The following FHIT variants were observed in gnomAD, a reference collection of about 807,000 sequenced individuals.
FHIT encodes bis(5'-adenosyl)-triphosphatase.
A neutral mutation model predicts 17.9 loss-of-function variants in FHIT; 19 were observed. That is an observed-to-expected ratio of 1.06 (90% CI 0.74 to 1.56). FHIT has a LOEUF of 1.56. FHIT is among the 40% of genes most tolerant of loss of function. The pLI, the probability that FHIT is intolerant of heterozygous loss-of-function variation, is 0.00. For missense variants in FHIT, 248 were observed against 189.2 expected (o/e 1.31, Z -1.82); for synonymous variants, 81 against 69.7 (o/e 1.16, Z -0.81).
At chr3:60,912,432 A>AG (rs1706793438) in intron 3 of FHIT, among the ~76,000 whole-genome samples, 1 of 152,144 alleles carries the variant, frequency 6.6e-6, no homozygotes, top group Non-Finnish European at 1.5e-5. Context: ...GGGTTATTAT[A>AG]GGGATTAAGT....
At chr3:60,266,777 T>C (rs988014170) in intron 5 of FHIT, among the ~76,000 whole-genome samples, 1 of 152,022 alleles carries the variant, frequency 6.6e-6, no homozygotes, top group Non-Finnish European at 1.5e-5. Flanking sequence ...GAGATGTCTC[T>C]AGGAAGATGA....
At chr3:60,092,913 C>G (rs763368462) in intron 5 of FHIT, among the ~76,000 whole-genome samples, 2 of 152,146 alleles carry the variant, frequency 1.3e-5, no homozygotes, top group Admixed American at 1.3e-4. Flanking sequence ...AAACATATTT[C>G]AAGCTGGAAC....
chr3:60,863,984 G>T (rs1388456550), intron 3 of FHIT, among the ~76,000 whole-genome samples: 1 of 152,114 alleles, frequency 6.6e-6, no homozygotes, highest in East Asian at 1.9e-4. Context: ...GAAGTTTAAT[G>T]GACTCACAGT....
At chr3:60,536,763 G>A (rs573733403) in intron 5 of FHIT, 97 bp downstream of exon 5, 1 of 1,294,906 alleles carries the variant, frequency 7.7e-7, no homozygotes, top group Non-Finnish European at 1.0e-6. Flanking sequence ...TTACCTTTTT[G>A]GACAGACTGG....
Position 60,318,583 on chromosome 3 carries a change from T to C in FHIT, c.103+218277A>G, listed in dbSNP as rs9864038. ...CAACAAGTAAACCTCATCAGAGGGG[T>C]CAAGACCACAATGACTGACATCCTG... On this transcript the variant is annotated intron_variant, in intron 5 of 9. Coordinates refer to ENST00000492590, the MANE Select transcript of FHIT (RefSeq NM_002012.4). Among the ~76,000 whole-genome samples, 1,446 of 152,086 alleles carry C rather than the reference T, an allele frequency of 9.5e-3. 27 individuals carry two copies. The highest frequency in any genetic ancestry group is 0.033 in the African/African-American group (1,377 of 41,484).
rs2037462264 is a variant in FHIT, at chr3:61,153,858, G to A, written c.-164+46759C>T. Reference sequence around the variant, plus strand: ...AAGAGGGGCCCAGCCTTAAATTATTGTTAGCAAGTCTTGATATTATTTTGT... The same window carrying A: ...AAGAGGGGCCCAGCCTTAAATTATTATTAGCAAGTCTTGATATTATTTTGT... On this transcript the variant is annotated intron_variant, in intron 2 of 9. Transcript: ENST00000492590. 1.3e-5 allele frequency among the ~76,000 whole-genome samples: 2 copies of A among 152,104 alleles called. 1 individual carries two copies. The highest frequency in any genetic ancestry group is 1.3e-4 in the Admixed American group (2 of 15,272).
At chr3:61,014,165 T>A (rs900317421) in intron 3 of FHIT, among the ~76,000 whole-genome samples, 2 of 152,112 alleles carry the variant, frequency 1.3e-5, no homozygotes, top group African/African-American at 2.4e-5. Flanking sequence ...ATTTGTGTTC[T>A]CTCCTTGGAA....
chr3:60,010,671 T>C (rs538793753), intron 7 of FHIT, among the ~76,000 whole-genome samples: 1 of 152,300 alleles, frequency 6.6e-6, no homozygotes, highest in East Asian at 1.9e-4. Context: ...GAATTAGCAT[T>C]TGTATGAAAA....
At chr3:61,134,131 A>ACACACACAC (rs1396881564) in intron 2 of FHIT, among the ~76,000 whole-genome samples, 4 of 151,272 alleles carry the variant, frequency 2.6e-5, no homozygotes, top group Admixed American at 1.3e-4. Flanking sequence ...ACACACACAC[A>ACACACACAC]AAGAGGTCAA....
intron 8 of FHIT, among the ~76,000 whole-genome samples, chr3:59,798,355 C>A (rs1026509823): frequency 1.3e-5 from 2 of 152,196 alleles, no homozygotes; most frequent in African/African-American, 2.4e-5. Flanking sequence ...TAAATTCTCA[C>A]TAGAAGAGCA....
chr3:60,828,763 A>G (rs1024642371), intron 3 of FHIT, among the ~76,000 whole-genome samples: 1 of 152,178 alleles, frequency 6.6e-6, no homozygotes, highest in African/African-American at 2.4e-5. Context: ...CTGTAATCCC[A>G]GCCACTTGGG....
In FHIT at chr3:60,893,253, C is replaced by T. The variant is rs948875870; in HGVS notation, c.-110-71242G>A. Among the ~76,000 whole-genome samples the T allele has an allele frequency of 2.6e-5, 4 of 152,256 alleles. No individual in the cohort carries two copies. The South Asian group carries it at 8.3e-4, about 32-fold the overall frequency. On this transcript the variant is annotated intron_variant, in intron 3 of 9. Coordinates refer to ENST00000492590, the MANE Select transcript of FHIT (RefSeq NM_002012.4). ...TAGTTTACTACACTTAGTTCATATGCTTTTCCACAAGTTTCCACTCTTCAT... is the reference window on the plus strand; with the variant it reads ...TAGTTTACTACACTTAGTTCATATGTTTTTCCACAAGTTTCCACTCTTCAT...
chr3:60,570,517 C>T (rs2037338779), intron 4 of FHIT, among the ~76,000 whole-genome samples: 2 of 151,962 alleles, frequency 1.3e-5, no homozygotes, highest in South Asian at 4.2e-4. Context: ...AGCTTCTTGG[C>T]CTTCTAAAAA....
At chr3:60,646,494 C>A (rs2682930) in intron 4 of FHIT, among the ~76,000 whole-genome samples, 116,272 of 152,010 alleles carry the variant, frequency 0.76, 44,771 homozygotes, top group East Asian at 0.85. Flanking sequence ...AATAAAATGA[C>A]ATTTTCAGAT....
At chr3:60,526,803 G>C (rs549800348) in intron 5 of FHIT, among the ~76,000 whole-genome samples, 1 of 152,102 alleles carries the variant, frequency 6.6e-6, no homozygotes, top group Non-Finnish European at 1.5e-5. Context: ...CTACAGCTTC[G>C]TAGCATCAAG....
intron 5 of FHIT, among the ~76,000 whole-genome samples, chr3:60,333,514 A>G (rs1710090729): frequency 1.3e-5 from 2 of 152,166 alleles, no homozygotes; most frequent in African/African-American, 4.8e-5. Context: ...GAACTTTTAA[A>G]AACTTCTTTA....
chr3:59,957,119 T>C (rs1438989592), intron 7 of FHIT, among the ~76,000 whole-genome samples: 1 of 152,230 alleles, frequency 6.6e-6, no homozygotes, highest in Non-Finnish European at 1.5e-5. Context: ...GTGATTATTA[T>C]GTTGAAGCCC....
intron 4 of FHIT, among the ~76,000 whole-genome samples, chr3:60,609,959 G>T (rs1553672841): frequency 6.6e-6 from 1 of 152,168 alleles, no homozygotes; most frequent in South Asian, 2.1e-4. Context: ...ATTTTAATTG[G>T]TGCTATAATC....
At chr3:59,892,830 T>G (rs749067160) in intron 8 of FHIT, among the ~76,000 whole-genome samples, 2 of 152,170 alleles carry the variant, frequency 1.3e-5, no homozygotes, top group South Asian at 4.1e-4. Context: ...TATAAAAATA[T>G]TGCCCAACAG....
Sources: allele counts gnomAD v4.1 joint callset (sites outside exome capture counted in the v4.1 genomes callset), GRCh38; gene constraint gnomAD v4.1.1; transcripts MANE v1.5; gene names NCBI Gene and HGNC (gene_info 2026-07-23, HGNC 2026-07-21).